Variants in FHIT observed in about 807,000 individuals in gnomAD.
The protein encoded by FHIT is bis(5'-adenosyl)-triphosphatase.
Under a neutral mutation model 17.9 loss-of-function variants are expected in FHIT, and 19 were observed. The observed-to-expected ratio is 1.06, with a 90% confidence interval of 0.74 to 1.56. FHIT has a LOEUF of 1.56. Ranked by LOEUF, FHIT falls within the 40% of genes most tolerant of loss-of-function variation. The pLI, the probability that FHIT is intolerant of heterozygous loss-of-function variation, is 0.00. For missense variants in FHIT, 248 were observed against 189.2 expected (o/e 1.31, Z -1.82); for synonymous variants, 81 against 69.7 (o/e 1.16, Z -0.81).
chr3:60,175,901 T>C (rs1701647979), intron 5 of FHIT, among the ~76,000 whole-genome samples: 1 of 152,184 alleles, frequency 6.6e-6, no homozygotes, highest in African/African-American at 2.4e-5. Context: ...CACACTCTAA[T>C]AGAACTTCCT....
chr3:60,061,160 C>A lies in FHIT; in HGVS notation c.104-47008G>T, dbSNP rs544568466. 5.3e-5 allele frequency among the ~76,000 whole-genome samples: 8 copies of A among 151,706 alleles called. No individual in the cohort carries two copies. In the South Asian group the frequency reaches 1.7e-3, roughly 32 times the overall value. ...AGTGTTAGAGTAGGACGTTTTCTAACAAGAGCCCAGTGGATTCCTACCTTT... is the reference window on the plus strand; with the variant it reads ...AGTGTTAGAGTAGGACGTTTTCTAAAAAGAGCCCAGTGGATTCCTACCTTT... On this transcript the variant is annotated intron_variant, in intron 5 of 9. Coordinates refer to ENST00000492590, the MANE Select transcript of FHIT (RefSeq NM_002012.4).
intron 2 of FHIT, among the ~76,000 whole-genome samples, chr3:61,051,426 T>G (rs2034023161): frequency 6.6e-6 from 1 of 152,096 alleles, no homozygotes; most frequent in African/African-American, 2.4e-5. Flanking sequence ...ATTTTTGTAT[T>G]TTTGGTACAG....
intron 3 of FHIT, among the ~76,000 whole-genome samples, chr3:60,944,908 G>A (rs1434796040): frequency 5.3e-5 from 8 of 152,154 alleles, no homozygotes; most frequent in African/African-American, 1.9e-4. Flanking sequence ...AACAGTGAGT[G>A]TTAAACACTG....
intron 8 of FHIT, among the ~76,000 whole-genome samples, chr3:59,863,192 C>T (rs1169070586): frequency 6.6e-6 from 1 of 152,204 alleles, no homozygotes; most frequent in Non-Finnish European, 1.5e-5. Context: ...TACCCACTCC[C>T]TCTCAGCCCC....
chr3:60,390,787 T>C (rs1701198776), intron 5 of FHIT, among the ~76,000 whole-genome samples: 1 of 152,024 alleles, frequency 6.6e-6, no homozygotes, highest in South Asian at 2.1e-4. Context: ...GATATAAAGA[T>C]AGAAAATATT....
At chr3:59,820,366 AC>A (rs558498011) in intron 8 of FHIT, among the ~76,000 whole-genome samples, 2 of 152,346 alleles carry the variant, frequency 1.3e-5, no homozygotes, top group African/African-American at 2.4e-5. Context: ...AGTACCAGGT[AC>A]TACAACAACT....
chr3:60,914,191 G>A (rs1706884437), intron 3 of FHIT, among the ~76,000 whole-genome samples: 1 of 152,052 alleles, frequency 6.6e-6, no homozygotes, highest in Non-Finnish European at 1.5e-5. Context: ...ACAACTATAT[G>A]CGAGGTCCCA....
chr3:60,154,924 G>A (rs983752748), intron 5 of FHIT, among the ~76,000 whole-genome samples: 6 of 152,230 alleles, frequency 3.9e-5, no homozygotes, highest in Admixed American at 1.3e-4. Context: ...GACCAGGCAC[G>A]ATGGCTCACA....
intron 4 of FHIT, among the ~76,000 whole-genome samples, chr3:60,781,810 G>A (rs1454325622): frequency 6.6e-6 from 1 of 152,110 alleles, no homozygotes; most frequent in Non-Finnish European, 1.5e-5. Context: ...GTATCACTTT[G>A]TTCAGAAATT....
At chr3:60,500,732 C>A (rs1014307653) in intron 5 of FHIT, among the ~76,000 whole-genome samples, 2 of 144,564 alleles carry the variant, frequency 1.4e-5, no homozygotes, top group Admixed American at 1.4e-4. Flanking sequence ...AAGATCACCC[C>A]ACTGCACTCC....
intron 3 of FHIT, among the ~76,000 whole-genome samples, chr3:61,038,400 CT>C (rs1326976983): frequency 6.6e-6 from 1 of 152,146 alleles, no homozygotes; most frequent in Non-Finnish European, 1.5e-5. Flanking sequence ...GATCCTGCTT[CT>C]ATAACAAGTC....
intron 5 of FHIT, among the ~76,000 whole-genome samples, chr3:60,264,473 A>T (rs1706470378): frequency 6.6e-6 from 1 of 151,998 alleles, no homozygotes; most frequent in Non-Finnish European, 1.5e-5. Flanking sequence ...CAACTTAAGA[A>T]AAGACTTGAA....
intron 3 of FHIT, among the ~76,000 whole-genome samples, chr3:60,938,751 A>C (rs1294781859): frequency 6.6e-6 from 1 of 152,160 alleles, no homozygotes; most frequent in African/African-American, 2.4e-5. Flanking sequence ...TGCCAATAGA[A>C]AAACAATTCT....
intron 8 of FHIT, among the ~76,000 whole-genome samples, chr3:59,753,965 G>T (rs939625537): frequency 6.6e-6 from 1 of 151,850 alleles, no homozygotes; most frequent in African/African-American, 2.4e-5. Flanking sequence ...TTAAAATATC[G>T]ACTTTTTAAA....
At chr3:60,782,938 A>C (rs1024551629) in intron 4 of FHIT, among the ~76,000 whole-genome samples, 2 of 152,066 alleles carry the variant, frequency 1.3e-5, no homozygotes, top group Non-Finnish European at 2.9e-5. Flanking sequence ...CTCATGACCT[A>C]ATCACCTCAA....
chr3:60,923,215 A>C (rs1329005122), intron 3 of FHIT, among the ~76,000 whole-genome samples: 2 of 152,204 alleles, frequency 1.3e-5, no homozygotes, highest in African/African-American at 4.8e-5. Flanking sequence ...AAGTTTCTCC[A>C]CAAACGTTTA....
intron 5 of FHIT, among the ~76,000 whole-genome samples, chr3:60,125,689 CAT>C (rs66486528): frequency 0.42 from 62,188 of 149,682 alleles, 13,183 homozygotes; most frequent in Non-Finnish European, 0.46. Flanking sequence ...TGCGTGTGTA[CAT>C]ATATATATGT....
At chr3:61,184,069 G>T (rs1460025525) in intron 2 of FHIT, among the ~76,000 whole-genome samples, 1 of 152,024 alleles carries the variant, frequency 6.6e-6, no homozygotes, top group Non-Finnish European at 1.5e-5. Context: ...TGCAGCCACA[G>T]GAAGAGAAAT....
At chr3:60,691,302 T>C (rs782777171) in intron 4 of FHIT, among the ~76,000 whole-genome samples, 10 of 152,164 alleles carry the variant, frequency 6.6e-5, no homozygotes, top group Non-Finnish European at 1.5e-4. Flanking sequence ...TTTTGTTATT[T>C]TAATTTTTAT....
Sources: allele counts gnomAD v4.1 joint callset (sites outside exome capture counted in the v4.1 genomes callset), GRCh38; gene constraint gnomAD v4.1.1; transcripts MANE v1.5; gene names NCBI Gene and HGNC (gene_info 2026-07-23, HGNC 2026-07-21).